HELZ2: variants seen among roughly 807,000 people sequenced by gnomAD.
The protein encoded by HELZ2 is 3'-5' exoribonuclease HELZ2.
A neutral mutation model predicts 208.8 loss-of-function variants in HELZ2; 143 were observed. The ratio of observed to expected loss-of-function variants is 0.68; its 90% CI spans 0.60 to 0.79. The LOEUF is 0.79. Among genes scored for constraint, HELZ2 ranks in the 30% least tolerant of loss-of-function variants. HELZ2 has a pLI of 0.00. For missense variants in HELZ2, 3,690 were observed against 3,794.5 expected (o/e 0.97, Z 0.72); for synonymous variants, 1,705 against 1,693.7 (o/e 1.01, Z -0.16).
chr20:63,562,497 C>T, intron 8 of HELZ2, 23 bp downstream of exon 9: 1 of 1,548,884 alleles, frequency 6.5e-7, no homozygotes, highest in Non-Finnish European at 8.7e-7. Flanking sequence ...CCAGCCCAGC[C>T]TCTGCTGGTG....
chr20:63,560,692 C>A, exon 16 of HELZ2: 1 of 1,608,338 alleles, frequency 6.2e-7, no homozygotes, highest in South Asian at 1.1e-5. Context: ...CACAGATGCC[C>A]TCATGCTGCA....
chr20:63,566,756 T>A, intron 6 of HELZ2, 88 bp downstream of exon 7: 1 of 1,318,200 alleles, frequency 7.6e-7, no homozygotes. Flanking sequence ...ATGGGGAAAC[T>A]GAGGCGGGGG....
rs115958731 is a variant in HELZ2 at position 63,564,102 on chromosome 20, C to T, written c.4720G>A (p.Val1574Met). 2.4e-4 allele frequency: 389 copies of T among 1,609,656 alleles called. No homozygotes were observed. In the African/African-American group the frequency reaches 4.8e-3, roughly 20 times the overall value. Residue 1574 changes from valine to methionine, a missense_variant, in exon 8 of 19, where the codon GTG (valine) becomes ATG (methionine). Val to Met is a conservative substitution (Grantham distance 21). Coordinates refer to ENST00000467148, the Ensembl canonical transcript of HELZ2. Reference sequence around the variant, plus strand: ...TGGCCGAGGTGCAGTGACAGGGGCACCCGGTCCCCATGCTTCTCACACAGG... The same window carrying T: ...TGGCCGAGGTGCAGTGACAGGGGCATCCGGTCCCCATGCTTCTCACACAGG...
At chr20:63,559,903 T>G in intron 18 of HELZ2, 25 bp downstream of exon 19, 5 of 1,462,372 alleles carry the variant, frequency 3.4e-6, no homozygotes, top group Non-Finnish European at 4.7e-6. Context: ...GTTCCCACCC[T>G]GGAAGAGCCC....
exon 5 of HELZ2, chr20:63,568,429 C>T (rs150053673): frequency 2.2e-5 from 35 of 1,607,260 alleles, no homozygotes; most frequent in Middle Eastern, 1.7e-4. Flanking sequence ...CCATGGCCAG[C>T]GTGTAGGTCT....
chr20:63,562,456 C>A, intron 8 of HELZ2, 64 bp downstream of exon 9: 5 of 1,528,300 alleles, frequency 3.3e-6, no homozygotes, highest in African/African-American at 1.4e-5. Context: ...GAGCTCCCCC[C>A]TCCTGCAAGT....
chr20:63,562,808 C>G (rs867367577), exon 8 of HELZ2: 3 of 1,610,240 alleles, frequency 1.9e-6, no homozygotes, highest in Non-Finnish European at 2.5e-6. Context: ...GAGGTAGCAG[C>G]AGCTGAAGTT....
exon 13 of HELZ2, chr20:63,561,385 C>T (rs1272634304): frequency 6.2e-7 from 1 of 1,613,110 alleles, no homozygotes; most frequent in African/African-American, 1.3e-5. Context: ...GCTCCCCTCT[C>T]TGCAGCCGGG....
chr20:63,564,783 G>C, exon 8 of HELZ2: 1 of 1,611,930 alleles, frequency 6.2e-7, no homozygotes, highest in Non-Finnish European at 8.5e-7. Flanking sequence ...GCGCCCTGGG[G>C]GTCCACAGTG....
At chr20:63,569,118 C>T (rs6089923) in intron 4 of HELZ2, 30 bp downstream of exon 5, 1 of 1,576,662 alleles carries the variant, frequency 6.3e-7, no homozygotes, top group African/African-American at 1.4e-5. Flanking sequence ...GCTCCTGCTA[C>T]CCCAGCTGCT....
At chr20:63,562,735 G>C (rs776883983) in exon 8 of HELZ2, 9 of 1,603,252 alleles carry the variant, frequency 5.6e-6, no homozygotes, top group Non-Finnish European at 6.0e-6. Flanking sequence ...GGCCAGGGCC[G>C]AGGCTGCTGG....
chr20:63,572,716 C>T (rs943384156), upstream of HELZ2: 7 of 329,844 alleles, frequency 2.1e-5, no homozygotes, highest in Non-Finnish European at 3.9e-5. Context: ...CCCCGCTGCC[C>T]TGCACCTCCG....
At position 63,567,171 on chromosome 20, in the gene HELZ2, GT is replaced by G. The variant is rs1389354925; in HGVS notation, c.2186del (p.His729ProfsTer71). ...CCAGGCGGCTCTGCCGCGCCACCTC[GT>G]GAGTCTCCTGCTGGTAGCACAGGAA... is the stretch of plus-strand genomic sequence containing the variant. On this transcript the variant is annotated frameshift_variant, in exon 6 of 19. Coordinates refer to ENST00000467148, the Ensembl canonical transcript of HELZ2. LOFTEE classifies it high-confidence loss of function. The G allele has an allele frequency of 1.2e-6, 2 of 1,609,234 alleles. No homozygotes were observed. The highest frequency in any genetic ancestry group is 1.7e-6 in the Non-Finnish European group (2 of 1,179,954).
exon 8 of HELZ2, chr20:63,564,726 A>G: frequency 6.2e-7 from 1 of 1,610,792 alleles, no homozygotes; most frequent in Non-Finnish European, 8.5e-7. Flanking sequence ...GCCACCTCGC[A>G]CCTGGGACCC....
Position 63,560,690 on chromosome 20 carries a change from C to T in HELZ2, c.7289G>A (p.Gly2430Asp), listed in dbSNP as rs147360512. The stretch of plus-strand genomic sequence containing the variant: ...CGCCACAGAGGGGAAGGCACAGATG[C>T]CCTCATGCTGCAGGCAAGGATGTGC... Residue 2430 changes from glycine (G) to aspartate (D), a missense_variant, in exon 16 of 19, where the codon GGC becomes GAC. By Grantham distance (94) the Gly-to-Asp change is moderately conservative (BLOSUM62 -1). This residue lies in a region of HELZ2 where 2,564 missense variants were observed against 2,580.5 expected (regional missense o/e 0.99). Transcript: ENST00000467148. 401 of 1,608,314 alleles carry T rather than the reference C, an allele frequency of 2.5e-4. 2 individuals are homozygous for T. The highest frequency in any genetic ancestry group is 2.2e-3 in the South Asian group (198 of 91,084).
intron 3 of HELZ2, 56 bp downstream of exon 4, chr20:63,570,448 G>T: frequency 6.9e-7 from 1 of 1,453,340 alleles, no homozygotes; most frequent in Non-Finnish European, 9.6e-7. Flanking sequence ...TGCCCGGGCT[G>T]AAGTCACCAC....
rs551229505 is a variant in HELZ2, at chr20:63,560,786, C to A, written c.7281+9G>T. 1.2e-6 allele frequency: 2 copies of A among 1,608,058 alleles called. No individual in the cohort carries two copies. The highest frequency in any genetic ancestry group is 1.7e-5 in the Admixed American group (1 of 59,922). On this transcript the variant is annotated intron_variant, in intron 15 of 18. Transcript: ENST00000467148. ...CAGGTGGGCTGGGGGCTGAGTGGGGCGGGCTCACCATGCGGTACTGAGTGT... is the reference window on the plus strand; with the variant it reads ...CAGGTGGGCTGGGGGCTGAGTGGGGAGGGCTCACCATGCGGTACTGAGTGT...
At chr20:63,564,350 T>C in exon 8 of HELZ2, 1 of 1,570,588 alleles carries the variant, frequency 6.4e-7, no homozygotes, top group Non-Finnish European at 8.6e-7. Context: ...CCGAGAGAAG[T>C]AGCACGCGGC....
Position 63,568,538 on chromosome 20 carries a change from C to G in HELZ2, c.1550G>C (p.Arg517Pro), listed in dbSNP as rs531657638. ...GAGCGCCACGGCCAGCTCCTGCTTG[C>G]GGTTGCCACGCCGCAAGGGTGGGAC... The change falls in exon 5 of 19, where the codon CGC becomes CCC. Residue 517 changes from arginine to proline, a missense_variant. Arg to Pro is a moderately radical substitution (Grantham distance 103, BLOSUM62 -2). Transcript: ENST00000467148. 47 of 1,582,348 alleles carry G rather than the reference C, an allele frequency of 3.0e-5. No individual in the cohort carries two copies. The South Asian group carries it at 5.4e-4, about 18-fold the overall frequency.
Sources: gnomAD v4.1 joint callset for allele counts on GRCh38, gnomAD v4.1.1 for gene constraint, gnomAD v4.1.1 regional missense constraint, MANE v1.5 for transcripts, NCBI Gene and HGNC (gene_info 2026-07-23, HGNC 2026-07-21) for gene names.